The following ARHGEF18 variants were observed in gnomAD, a reference collection of about 807,000 sequenced individuals.
The protein encoded by ARHGEF18 is rho guanine nucleotide exchange factor 18.
In ARHGEF18, 93 loss-of-function variants were observed where a neutral mutation model predicts 155.7. That is an observed-to-expected ratio of 0.60 (90% CI 0.50 to 0.71). The LOEUF (loss-of-function observed/expected upper bound fraction) is 0.71, where lower values mean the gene tolerates loss of function less well. Among genes scored for constraint, ARHGEF18 ranks in the 30% least tolerant of loss-of-function variants. The pLI, the probability that ARHGEF18 is intolerant of heterozygous loss-of-function variation, is 0.00. For synonymous variants in ARHGEF18, 742 were observed against 753.1 expected (o/e 0.99, Z 0.24); for missense variants, 1,593 against 1,816.1 (o/e 0.88, Z 2.23).
At chr19:7,382,057 T>G (rs1403568636) in intron 8 of ARHGEF18, among the ~76,000 whole-genome samples, 1 of 152,046 alleles carries the variant, frequency 6.6e-6, no homozygotes, top group Non-Finnish European at 1.5e-5. Flanking sequence ...CAGGAAACCA[T>G]GCCAGTGACC....
intron 4 of ARHGEF18, 144 bp from the exon 5 acceptor site, chr19:7,376,499 T>C: frequency 2.4e-6 from 1 of 424,556 alleles, no homozygotes; most frequent in Non-Finnish European, 4.0e-6. Flanking sequence ...CTGGGGGGAG[T>C]GGCTGGAGGC....
chr19:7,385,822 T>TCC, intron 10 of ARHGEF18, among the ~76,000 whole-genome samples: 1 of 105,412 alleles, frequency 9.5e-6, no homozygotes, highest in African/African-American at 5.3e-5. Context: ...AGATAGGATC[T>TCC]ATCTCTCTCT....
chr19:7,453,451 C>G lies in ARHGEF18; in HGVS notation c.1856-16C>G. 1 of 1,578,130 alleles carries G rather than the reference C, an allele frequency of 6.3e-7. No individual in the cohort carries two copies. The highest frequency in any genetic ancestry group is 8.6e-7 in the Non-Finnish European group (1 of 1,159,058). ...AAAGTGGAAAAGAAAGACGCTAACT[C>G]TGCTATGTGTGGCAGCTGGCACTGA... On this transcript the variant is annotated splice_polypyrimidine_tract_variant and intron_variant, in intron 16 of 28. Transcript: ENST00000668164.
At chr19:7,466,838 AG>A in intron 23 of ARHGEF18, 79 bp from the exon 24 acceptor site, 7 of 1,122,362 alleles carry the variant, frequency 6.2e-6, no homozygotes, top group African/African-American at 1.8e-5. Flanking sequence ...TTAAAAAAAA[AG>A]AAGAAGAAGA....
intron 10 of ARHGEF18, among the ~76,000 whole-genome samples, chr19:7,437,142 T>C (rs1974310381): frequency 6.6e-6 from 1 of 152,140 alleles, no homozygotes; most frequent in Non-Finnish European, 1.5e-5. Context: ...TAAAAGTTGC[T>C]CAGAGGCCGG....
intron 8 of ARHGEF18, 64 bp downstream of exon 8, chr19:7,381,058 T>A (rs751250120): frequency 3.5e-5 from 41 of 1,175,848 alleles, no homozygotes; most frequent in Non-Finnish European, 4.3e-5. Flanking sequence ...TTACAGATGG[T>A]CCTTTGGGCC....
chr19:7,394,877 A>C (rs903494851), intron 10 of ARHGEF18: 1 of 175,268 alleles, frequency 5.7e-6, no homozygotes, highest in Admixed American at 6.6e-5. Context: ...GCTCTCCTTC[A>C]AAAAGCCCCC....
At chr19:7,435,242 T>C (rs1974192316) in intron 10 of ARHGEF18, among the ~76,000 whole-genome samples, 1 of 151,474 alleles carries the variant, frequency 6.6e-6, no homozygotes, top group East Asian at 1.9e-4. Flanking sequence ...CTCCCATCCC[T>C]GGCAAGCAGA....
chr19:7,452,805 G>A (rs994061413), intron 16 of ARHGEF18, among the ~76,000 whole-genome samples: 1 of 151,680 alleles, frequency 6.6e-6, no homozygotes, highest in Non-Finnish European at 1.5e-5. Context: ...AGGAAAGTTC[G>A]TTTACCAAGC....
In ARHGEF18 at chr19:7,414,268, T is replaced by C. The variant is rs373820667; in HGVS notation, c.968-26076T>C. Among the ~76,000 whole-genome samples, 47 of 152,238 alleles carry C rather than the reference T, an allele frequency of 3.1e-4. No homozygotes were observed. The East Asian group carries it at 4.1e-3, about 13-fold the overall frequency. ...AAGAATCACCCCTGGTAGAGAATCGTTGGTCTAGATAAGCAACCATATAAG... is the reference window on the plus strand; with the variant it reads ...AAGAATCACCCCTGGTAGAGAATCGCTGGTCTAGATAAGCAACCATATAAG... On this transcript the variant is annotated intron_variant, in intron 10 of 28. Transcript: ENST00000668164.
intron 2 of ARHGEF18, among the ~76,000 whole-genome samples, chr19:7,366,129 A>C (rs774100130): frequency 2.0e-5 from 3 of 152,152 alleles, no homozygotes; most frequent in Non-Finnish European, 4.4e-5. Context: ...TATTTTTAGA[A>C]GAGATGGGGT....
downstream of ARHGEF18, among the ~76,000 whole-genome samples, chr19:7,473,965 A>T (rs1438729563): frequency 4.0e-5 from 6 of 151,860 alleles, no homozygotes; most frequent in Non-Finnish European, 7.4e-5. Flanking sequence ...CCTAGGCAAC[A>T]TGGTGAGACC....
chr19:7,372,586 T>C (rs556195014), intron 2 of ARHGEF18, among the ~76,000 whole-genome samples: 3 of 152,188 alleles, frequency 2.0e-5, no homozygotes, highest in Admixed American at 6.5e-5. Context: ...TCTGGTCCTT[T>C]TGTGGGGGTG....
chr19:7,362,101 G>A lies in ARHGEF18; in HGVS notation c.-110-680G>A, dbSNP rs541272193. 6.0e-3 allele frequency among the ~76,000 whole-genome samples: 131 copies of A among 21,848 alleles called. 11 individuals carry two copies. In the East Asian group the frequency reaches 0.12, roughly 20 times the overall value. 14.3% of individuals were successfully genotyped at this position (21,848 alleles called of 152,430 possible). On this transcript the variant is annotated intron_variant, in intron 1 of 28. Transcript: ENST00000668164. ...GGAGAAGGAGAAGGAGAAGGAGAAG[G>A]AGAAGGAGAAGGAGAAGGAGAAGGA...
At position 7,379,140 on chromosome 19, in the gene ARHGEF18, G is replaced by A. The variant is rs1860169039; in HGVS notation, c.618G>A (p.Val206=). 21 of 1,232,658 alleles carry A rather than the reference G, an allele frequency of 1.7e-5. No homozygotes were observed. The highest frequency in any genetic ancestry group is 2.1e-5 in the Non-Finnish European group (21 of 988,398). 76.4% of individuals were successfully genotyped at this position (1,232,658 alleles called of 1,614,324 possible). A position where few individuals can be genotyped will look rare whatever the true frequency, so the allele number is the denominator to read the frequency against. The part of the protein sequence containing the change: ...EPDHVLIVQQ[V]LQELRQYHGA... ...CCCACAGGCTGATTGTCCAGCAGGT[G>A]CTTCAAGAACTTCGACAGTACCATG... The change falls in exon 7 of 29, where the codon GTG becomes GTA. Residue 206 remains valine, a synonymous_variant. Coordinates refer to ENST00000668164, the MANE Select transcript of ARHGEF18 (RefSeq NM_001367823.1).
Position 7,440,126 on chromosome 19 carries a change from C to T in ARHGEF18, c.968-218C>T. On this transcript the variant is annotated intron_variant, in intron 10 of 28. Transcript: ENST00000668164. This position sits in a 1 kb window ranked among gnomAD's most constrained non-coding sequence, Gnocchi z 5.4. The stretch of plus-strand genomic sequence containing the variant: ...ACATGGGGAATGCGCACTCCAAAAG[C>T]GGGGACAGGCACAGCGCGCTCCCCG... The T allele has an allele frequency of 1.2e-5, 18 of 1,551,134 alleles. No homozygotes were observed. The highest frequency in any genetic ancestry group is 1.5e-5 in the Non-Finnish European group (17 of 1,146,844).
chr19:7,470,024 C>A lies in ARHGEF18; in HGVS notation c.3908C>A (p.Pro1303Gln), dbSNP rs145000592. ...ILPGRHSPAP[P>Q]PDPGFPAPSP... Reference sequence around the variant, plus strand: ...CCCGGCAGACACAGTCCTGCGCCCCCACCAGGTGAGCCCCCACCCCCTGAC... The same window carrying A: ...CCCGGCAGACACAGTCCTGCGCCCCAACCAGGTGAGCCCCCACCCCCTGAC... Residue 1303 changes from proline to glutamine, a missense_variant, in exon 28 of 29, where the codon CCA becomes CAA. Pro to Gln is a moderately conservative substitution (Grantham distance 76, BLOSUM62 -1). Transcript: ENST00000668164. This position sits in a 1 kb window ranked among gnomAD's most constrained non-coding sequence, Gnocchi z 5.9. 3.7e-6 allele frequency: 6 copies of A among 1,612,660 alleles called. No homozygotes were observed. In the African/African-American group the frequency reaches 8.0e-5, roughly 22 times the overall value.
In ARHGEF18 at chr19:7,440,080, G is replaced by C; in HGVS notation, c.968-264G>C. On this transcript the variant is annotated intron_variant, in intron 10 of 28. Transcript: ENST00000668164. The surrounding 1 kb of genome is among the most constrained non-coding windows in gnomAD (Gnocchi z 5.4). ...GCAGCCCAGCCTGGCGCCGCGCCGG[G>C]TCCCGGAGCCCCGGGCGCGAACATG... 6.4e-7 allele frequency: 1 copy of C among 1,550,424 alleles called. No individual in the cohort carries two copies. Among genetic ancestry groups the C allele is most frequent in the South Asian group, 1.2e-5 (1 of 83,990 alleles).
intron 10 of ARHGEF18, among the ~76,000 whole-genome samples, chr19:7,397,502 G>GC (rs1416100355): frequency 6.6e-6 from 1 of 151,912 alleles, no homozygotes; most frequent in South Asian, 2.1e-4. Flanking sequence ...GAGGCCCGGG[G>GC]GGGGGCAGAT....
Sources: allele counts gnomAD v4.1 joint callset (sites outside exome capture counted in the v4.1 genomes callset), GRCh38; gene constraint gnomAD v4.1.1; non-coding constraint Gnocchi (gnomAD v3.1); transcripts MANE v1.5; gene names NCBI Gene and HGNC (gene_info 2026-07-23, HGNC 2026-07-21).